PTP4A1: variants seen among roughly 807,000 people sequenced by gnomAD.
PTP4A1 encodes protein tyrosine phosphatase 4A1.
In PTP4A1, 9 loss-of-function variants were observed where a neutral mutation model predicts 20.5. That is an observed-to-expected ratio of 0.44 (90% CI 0.26 to 0.77). PTP4A1 has a LOEUF of 0.77. Ranked by LOEUF, PTP4A1 falls within the 30% of genes least tolerant of loss-of-function variation. The pLI, the probability that PTP4A1 is intolerant of heterozygous loss-of-function variation, is 0.19. For synonymous variants in PTP4A1, 78 were observed against 67.4 expected, an observed-to-expected ratio of 1.16 and a Z score of -0.77; for missense variants, 137 against 218.8, an observed-to-expected ratio of 0.63 and a Z score of 2.36.
At chr6:63,522,286 T>C (rs919832282) in intron 1 of PTP4A1, among the ~76,000 whole-genome samples, 1 of 152,248 alleles carries the variant, frequency 6.6e-6, no homozygotes, top group African/African-American at 2.4e-5. Context: ...AGATGAATTA[T>C]TTGTATAGTT....
rs904678828 is a variant in PTP4A1, at chr6:63,581,223, A to G, written c.*1049A>G. On this transcript the variant is annotated 3_prime_UTR_variant, in exon 6 of 6. Coordinates refer to ENST00000626021, the MANE Select transcript of PTP4A1 (RefSeq NM_003463.5). ...GAATTGAGCAGACATCTAATATTTT[A>G]TATGCCTTTTGAGCTGTGTAACTTA... 6.6e-6 allele frequency: 1 copy of G among 152,488 alleles called. No homozygotes were observed. The highest frequency in any genetic ancestry group is 1.5e-5 in the Non-Finnish European group (1 of 67,996). 9.4% of individuals were successfully genotyped at this position (152,488 alleles called of 1,614,324 possible). A position where few individuals can be genotyped will look rare whatever the true frequency, so the allele number is the denominator to read the frequency against.
chr6:63,581,327 A>G lies in PTP4A1; in HGVS notation c.*1153A>G, dbSNP rs551362053. ...TGTATTAATGTTAGTTCAACCATAT[A>G]TTTATACTGTCTGGGGATGTGTGGT... On this transcript the variant is annotated 3_prime_UTR_variant, in exon 6 of 6. Transcript: ENST00000626021. The G allele has an allele frequency of 4.6e-5, 7 of 152,698 alleles. No homozygotes were observed. In the East Asian group the frequency reaches 9.6e-4, roughly 21 times the overall value. The allele number at this position is 152,698 out of a possible 1,614,324, so 9.5% of individuals were successfully genotyped here. A position where few individuals can be genotyped will look rare whatever the true frequency, so the allele number is the denominator to read the frequency against.
intron 2 of PTP4A1, among the ~76,000 whole-genome samples, chr6:63,533,851 A>AATTC (rs1486062929): frequency 6.6e-6 from 1 of 151,592 alleles, no homozygotes; most frequent in Non-Finnish European, 1.5e-5. Flanking sequence ...TTAATTAATT[A>AATTC]ATTAATTTTT....
At chr6:63,566,586 G>T (rs1463320823) in intron 3 of PTP4A1, among the ~76,000 whole-genome samples, 1 of 152,142 alleles carries the variant, frequency 6.6e-6, no homozygotes, top group Non-Finnish European at 1.5e-5. Context: ...AAATACTTTT[G>T]CTAAAAAATG....
chr6:63,526,167 A>G (rs1775161080), intron 1 of PTP4A1, among the ~76,000 whole-genome samples: 1 of 152,124 alleles, frequency 6.6e-6, no homozygotes, highest in Non-Finnish European at 1.5e-5. Context: ...TCCACTAAAA[A>G]TACAAAAATT....
At position 63,580,246 on chromosome 6, in the gene PTP4A1, A is replaced by G. The variant is rs1778143076; in HGVS notation, c.*72A>G. 1 of 1,235,176 alleles carries G rather than the reference A, an allele frequency of 8.1e-7. No individual in the cohort carries two copies. The highest frequency in any genetic ancestry group is 1.2e-5 in the South Asian group (1 of 82,092). The allele number at this position is 1,235,176 out of a possible 1,614,324, so 76.5% of individuals were successfully genotyped here. A position where few individuals can be genotyped will look rare whatever the true frequency, so the allele number is the denominator to read the frequency against. ...TAATTTGTTATACATATTAGCCAAC[A>G]TGTTGGCTTAGTAAGTCTAATGAAG... is the stretch of plus-strand genomic sequence containing the variant. On this transcript the variant is annotated 3_prime_UTR_variant, in exon 6 of 6. Transcript: ENST00000626021.
intron 3 of PTP4A1, among the ~76,000 whole-genome samples, chr6:63,557,627 G>A (rs1168717918): frequency 6.6e-6 from 1 of 152,074 alleles, no homozygotes; most frequent in East Asian, 1.9e-4. Context: ...AAAATTCCAG[G>A]TAAAAGGAAT....
chr6:63,527,980 C>G (rs1775259828), exon 2 of PTP4A1: 1 of 152,124 alleles, frequency 6.6e-6, no homozygotes, highest in South Asian at 2.1e-4. Flanking sequence ...ATGAAAGAAA[C>G]CCACTGGATT....
upstream of PTP4A1, among the ~76,000 whole-genome samples, chr6:63,518,077 G>A (rs777577271): frequency 5.3e-5 from 8 of 151,574 alleles, no homozygotes; most frequent in Admixed American, 4.6e-4. Context: ...GCTTAAACCC[G>A]GGAGGCGGAG....
intron 1 of PTP4A1, chr6:63,527,709 C>T (rs1415433867): frequency 6.6e-6 from 1 of 152,086 alleles, no homozygotes; most frequent in Admixed American, 6.5e-5. Flanking sequence ...TTCTGGAATT[C>T]GAAAAGGGCT....
intron 3 of PTP4A1, among the ~76,000 whole-genome samples, chr6:63,553,453 A>G (rs1209032080): frequency 6.6e-6 from 1 of 152,248 alleles, no homozygotes; most frequent in Non-Finnish European, 1.5e-5. Context: ...ATAACCAGTT[A>G]CATGGGTGGC....
chr6:63,577,117 T>A, intron 2 of PTP4A1, 132 bp downstream of exon 2: 1 of 683,656 alleles, frequency 1.5e-6, no homozygotes. Flanking sequence ...GAAATAAATG[T>A]CAATGTCTTC....
At chr6:63,544,912 G>T (rs1289941998) in intron 2 of PTP4A1, among the ~76,000 whole-genome samples, 7 of 152,074 alleles carry the variant, frequency 4.6e-5, no homozygotes, top group Non-Finnish European at 7.4e-5. Context: ...TACAATTAAT[G>T]TCTCCGAAGA....
At chr6:63,561,745 G>T (rs113904667) in intron 3 of PTP4A1, among the ~76,000 whole-genome samples, 2,701 of 152,262 alleles carry the variant, frequency 0.018, 33 homozygotes, top group South Asian at 0.038. Context: ...CTTCTCACTG[G>T]TTGGGCATTA....
chr6:63,523,055 G>C (rs1775001927), intron 1 of PTP4A1, among the ~76,000 whole-genome samples: 1 of 151,732 alleles, frequency 6.6e-6, no homozygotes, highest in African/African-American at 2.4e-5. Flanking sequence ...AGCAGACATG[G>C]GGTTTCACCT....
At chr6:63,519,671 A>G (rs1220860800), upstream of PTP4A1, among the ~76,000 whole-genome samples, 2 of 152,230 alleles carry the variant, frequency 1.3e-5, no homozygotes, top group Non-Finnish European at 2.9e-5. Context: ...CATGAAAATG[A>G]AATACAGGTC....
chr6:63,520,251 A>C (rs916203628), upstream of PTP4A1, among the ~76,000 whole-genome samples: 3 of 152,186 alleles, frequency 2.0e-5, no homozygotes, highest in African/African-American at 7.2e-5. Flanking sequence ...CTTATCTTTA[A>C]ATGTTGTGAT....
chr6:63,566,522 C>T (rs1250944124), intron 3 of PTP4A1, among the ~76,000 whole-genome samples: 12 of 152,062 alleles, frequency 7.9e-5, no homozygotes, highest in African/African-American at 1.2e-4. Flanking sequence ...TGATTTTGGT[C>T]AAGACACAGA....
intron 1 of PTP4A1, among the ~76,000 whole-genome samples, chr6:63,524,233 C>T (rs1460048480): frequency 6.6e-6 from 1 of 152,164 alleles, no homozygotes; most frequent in East Asian, 1.9e-4. Flanking sequence ...AATCTGACTG[C>T]CTTGGCCTCC....
Sources: gnomAD v4.1 joint callset for allele counts (sites outside exome capture counted in the v4.1 genomes callset) on GRCh38, gnomAD v4.1.1 for gene constraint, MANE v1.5 for transcripts, NCBI Gene and HGNC (gene_info 2026-07-23, HGNC 2026-07-21) for gene names.